BCL11B: variants seen among roughly 807,000 people sequenced by gnomAD.
The protein encoded by BCL11B is B-cell lymphoma/leukemia 11B.
BCL11B carries 8 observed loss-of-function variants against 49.9 expected under a neutral mutation model. The ratio of observed to expected loss-of-function variants is 0.16; its 90% confidence interval spans 0.09 to 0.29. BCL11B has a LOEUF of 0.29. Among genes scored for constraint, BCL11B ranks in the 10% least tolerant of loss-of-function variants. The pLI is 1.00. For missense variants in BCL11B, 1,006 were observed against 1,351.0 expected (o/e 0.74, Z 4.00); for synonymous variants, 739 against 637.4 (o/e 1.16, Z -2.40).
rs959742485 is a variant in BCL11B at position 99,204,595 on chromosome 14, C to A, written c.640+26750G>T. On this transcript the variant is annotated intron_variant, in intron 3 of 3. Transcript: ENST00000357195. ...GCTCCACCAGCTTCCTGCCAATGCCCGGCAGCTATTCATCCCAGGGGCAGT... is the reference window on the plus strand; with the variant it reads ...GCTCCACCAGCTTCCTGCCAATGCCAGGCAGCTATTCATCCCAGGGGCAGT... 2.0e-5 allele frequency among the ~76,000 whole-genome samples: 3 copies of A among 152,156 alleles called. No individual in the cohort carries two copies. In the East Asian group the frequency reaches 5.8e-4, roughly 29 times the overall value.
At chr14:99,227,231 A>G (rs1888184534) in intron 3 of BCL11B, among the ~76,000 whole-genome samples, 1 of 152,166 alleles carries the variant, frequency 6.6e-6, no homozygotes, top group South Asian at 2.1e-4. Context: ...CAGAGTCTCA[A>G]TGTCGTGAAT....
chr14:99,254,116 G>T (rs1224228239), intron 2 of BCL11B, among the ~76,000 whole-genome samples: 6 of 152,248 alleles, frequency 3.9e-5, no homozygotes, highest in Admixed American at 1.3e-4. Flanking sequence ...CTCCTCTGGG[G>T]GCTGTTTACC....
At position 99,248,330 on chromosome 14, in the gene BCL11B, T is replaced by A. The variant is rs1888907045; in HGVS notation, c.427+9141A>T. Among the ~76,000 whole-genome samples, 1 of 152,192 alleles carries A rather than the reference T, an allele frequency of 6.6e-6. No individual in the cohort carries two copies. Among genetic ancestry groups the A allele is most frequent in the Non-Finnish European group, 1.5e-5 (1 of 68,038 alleles). ...TTGCCTTCTCCAGCAAGGCCTCTTCTTCCCTGGGTCCAACTCGAGGCTTGC... is the reference window on the plus strand; with the variant it reads ...TTGCCTTCTCCAGCAAGGCCTCTTCATCCCTGGGTCCAACTCGAGGCTTGC... On this transcript the variant is annotated intron_variant, in intron 2 of 3. Coordinates refer to ENST00000357195, the MANE Select transcript of BCL11B (RefSeq NM_138576.4). This position sits in a 1 kb window ranked among gnomAD's most constrained non-coding sequence, Gnocchi z 4.7.
At chr14:99,266,704 G>A (rs2139973935) in intron 1 of BCL11B, among the ~76,000 whole-genome samples, 1 of 152,354 alleles carries the variant, frequency 6.6e-6, no homozygotes, top group Non-Finnish European at 1.5e-5. Flanking sequence ...TGTAGCGGAG[G>A]CGCCAAGCCA....
intron 3 of BCL11B, among the ~76,000 whole-genome samples, chr14:99,208,665 G>C (rs1040192610): frequency 6.6e-6 from 1 of 152,202 alleles, no homozygotes; most frequent in South Asian, 2.1e-4. Flanking sequence ...CCTCCTGTCC[G>C]GGCAGGCTCG....
intron 3 of BCL11B, among the ~76,000 whole-genome samples, chr14:99,218,069 T>G (rs1001161237): frequency 1.9e-4 from 27 of 141,846 alleles, no homozygotes; most frequent in East Asian, 1.2e-3. Context: ...AGGTTTTTTT[T>G]TTTTTTTTTT....
intron 1 of BCL11B, 100 bp downstream of exon 1, chr14:99,271,061 G>A: frequency 7.8e-7 from 1 of 1,283,566 alleles, no homozygotes; most frequent in East Asian, 3.1e-5. Flanking sequence ...GGGCGGCCCC[G>A]GCGCCTGGCC....
At chr14:99,211,382 C>T (rs1020236405) in intron 3 of BCL11B, among the ~76,000 whole-genome samples, 3 of 152,204 alleles carry the variant, frequency 2.0e-5, no homozygotes, top group Admixed American at 2.0e-4. Context: ...TGGGTGTTGT[C>T]TGGGCCCCTC....
In BCL11B at chr14:99,235,889, GA is replaced by G. The variant is rs1190432369; in HGVS notation, c.428-4333del. Among the ~76,000 whole-genome samples the G allele has an allele frequency of 1.0e-4, 9 of 90,338 alleles. 1 individual carries two copies. 59.3% of individuals were successfully genotyped at this position (90,338 alleles called of 152,430 possible). A position where few individuals can be genotyped will look rare whatever the true frequency, so the allele number is the denominator to read the frequency against. On this transcript the variant is annotated intron_variant, in intron 2 of 3. Transcript: ENST00000357195. ...ACAAGACAGCTCATAGGAGAAGGGGGAAAAAATTAAAAAAATTAAAAAAAAG... is the reference window on the plus strand; with the variant it reads ...ACAAGACAGCTCATAGGAGAAGGGGGAAAAATTAAAAAAATTAAAAAAAAG...
rs1889220892 is a variant in BCL11B at position 99,257,917 on chromosome 14, TC to T, written c.59-79del. Reference sequence around the variant, plus strand: ...GGCGGTCACAGCACCCAACTTCCGGTCCACCCCTTCCCCGCCAAGAAGCAGC... The same window carrying T: ...GGCGGTCACAGCACCCAACTTCCGGTCACCCCTTCCCCGCCAAGAAGCAGC... On this transcript the variant is annotated intron_variant, in intron 1 of 3. Transcript: ENST00000357195. This position sits in a 1 kb window ranked among gnomAD's most constrained non-coding sequence, Gnocchi z 6.2. The T allele has an allele frequency of 2.1e-6, 3 of 1,406,036 alleles. No homozygotes were observed. In the Admixed American group the frequency reaches 7.5e-5, roughly 35 times the overall value. The allele number at this position is 1,406,036 out of a possible 1,614,324, so 87.1% of individuals were successfully genotyped here.
At chr14:99,182,072 C>G (rs1886721415) in intron 3 of BCL11B, among the ~76,000 whole-genome samples, 1 of 152,204 alleles carries the variant, frequency 6.6e-6, no homozygotes, top group Non-Finnish European at 1.5e-5. Flanking sequence ...ATTCTGGGCA[C>G]AGCCATCTGC....
Position 99,194,098 on chromosome 14 carries a change from G to A in BCL11B, c.641-17903C>T, listed in dbSNP as rs1429864522. Among the ~76,000 whole-genome samples the A allele has an allele frequency of 2.0e-5, 3 of 152,284 alleles. No homozygotes were observed. Among genetic ancestry groups the A allele is most frequent in the South Asian group, 2.1e-4 (1 of 4,816 alleles). On this transcript the variant is annotated intron_variant, in intron 3 of 3. Coordinates refer to ENST00000357195, the MANE Select transcript of BCL11B (RefSeq NM_138576.4). This position sits in a 1 kb window ranked among gnomAD's most constrained non-coding sequence, Gnocchi z 4.6. ...TGATTTTGCAAGGAATGGGAATGTC[G>A]TGAGAAACGTGCATGACCCCACACA... is the stretch of plus-strand genomic sequence containing the variant.
At chr14:99,183,346 C>G (rs1417705256) in intron 3 of BCL11B, among the ~76,000 whole-genome samples, 1 of 152,160 alleles carries the variant, frequency 6.6e-6, no homozygotes. Flanking sequence ...AATTCATCTT[C>G]CAGACTCCAA....
chr14:99,241,217 G>A lies in BCL11B; in HGVS notation c.428-9660C>T, dbSNP rs1888659958. ...TTTTTAAATCTACAGCCTCTGTTTG[G>A]CTGTAATTACCCAGGAAGTTCTCTG... On this transcript the variant is annotated intron_variant, in intron 2 of 3. Coordinates refer to ENST00000357195, the MANE Select transcript of BCL11B (RefSeq NM_138576.4). The surrounding 1 kb of genome is among the most constrained non-coding windows in gnomAD (Gnocchi z 4.4). Among the ~76,000 whole-genome samples, 1 of 151,868 alleles carries A rather than the reference G, an allele frequency of 6.6e-6. No homozygotes were observed. The highest frequency in any genetic ancestry group is 1.5e-5 in the Non-Finnish European group (1 of 67,970).
Position 99,213,205 on chromosome 14 carries a change from G to A in BCL11B, c.640+18140C>T, listed in dbSNP as rs888158179. Among the ~76,000 whole-genome samples, 4 of 152,116 alleles carry A rather than the reference G, an allele frequency of 2.6e-5. No individual in the cohort carries two copies. The highest frequency in any genetic ancestry group is 9.7e-5 in the African/African-American group (4 of 41,412). Reference sequence around the variant, plus strand: ...ATGCTGAGACCATGCCCAGGCTCTCGATGAGCCCCTGGAATGAAGAAGGGA... The same window carrying A: ...ATGCTGAGACCATGCCCAGGCTCTCAATGAGCCCCTGGAATGAAGAAGGGA... On this transcript the variant is annotated intron_variant, in intron 3 of 3. Coordinates refer to ENST00000357195, the MANE Select transcript of BCL11B (RefSeq NM_138576.4). The surrounding 1 kb of genome is among the most constrained non-coding windows in gnomAD (Gnocchi z 5.1).
chr14:99,238,763 G>A (rs751296315), intron 2 of BCL11B, among the ~76,000 whole-genome samples: 3 of 152,208 alleles, frequency 2.0e-5, no homozygotes, highest in Admixed American at 6.5e-5. Flanking sequence ...CAGCCGGGAC[G>A]CTGATCATTC....
Position 99,231,195 on chromosome 14 carries a change from G to C in BCL11B, c.640+150C>G. 1.1e-6 allele frequency: 1 copy of C among 869,598 alleles called. No homozygotes were observed. The highest frequency in any genetic ancestry group is 2.8e-5 in the East Asian group (1 of 36,222). 53.9% of individuals were successfully genotyped at this position (869,598 alleles called of 1,614,324 possible). A position where few individuals can be genotyped will look rare whatever the true frequency, so the allele number is the denominator to read the frequency against. ...ACCGGGCCCTGGCTCATAGTTCAGC[G>C]AACATTCTTTACCACTTCCCCTGGC... On this transcript the variant is annotated intron_variant, in intron 3 of 3. Coordinates refer to ENST00000357195, the MANE Select transcript of BCL11B (RefSeq NM_138576.4). The surrounding 1 kb of genome is among the most constrained non-coding windows in gnomAD (Gnocchi z 8.1).
chr14:99,170,211 A>C lies in BCL11B; in HGVS notation c.*3940T>G. 9.1e-6 allele frequency: 2 copies of C among 220,084 alleles called. No individual in the cohort carries two copies. Among genetic ancestry groups the C allele is most frequent in the Non-Finnish European group, 1.8e-5 (2 of 109,548 alleles). The allele number at this position is 220,084 out of a possible 1,614,324, so 13.6% of individuals were successfully genotyped here. On this transcript the variant is annotated 3_prime_UTR_variant, in exon 4 of 4. Transcript: ENST00000357195. ...GCAGCCCCTGGATCTGCAGGTAGGA[A>C]ACTGCAGTAGGAAACTGAAATCTCA...
chr14:99,253,502 C>T (rs752726135), intron 2 of BCL11B, among the ~76,000 whole-genome samples: 1 of 152,172 alleles, frequency 6.6e-6, no homozygotes, highest in Admixed American at 6.5e-5. Flanking sequence ...CACCTACCCC[C>T]ACCGTGTGCC....
Sources: allele counts gnomAD v4.1 joint callset (sites outside exome capture counted in the v4.1 genomes callset), GRCh38; gene constraint gnomAD v4.1.1; non-coding constraint Gnocchi (gnomAD v3.1); transcripts MANE v1.5; gene names NCBI Gene and HGNC (gene_info 2026-07-23, HGNC 2026-07-21).